WDR91: variants seen among roughly 807,000 people sequenced by gnomAD.
The protein encoded by WDR91 is WD repeat-containing protein 91.
Under a neutral mutation model 88.4 loss-of-function variants are expected in WDR91, and 52 were observed. The ratio of observed to expected loss-of-function variants is 0.59; its 90% CI spans 0.47 to 0.74. The LOEUF (loss-of-function observed/expected upper bound fraction) is 0.74. Among genes scored for constraint, WDR91 ranks in the 30% least tolerant of loss-of-function variants. WDR91 has a pLI of 0.00. For synonymous variants in WDR91, 362 were observed against 389.5 expected (o/e 0.93, Z 0.83); for missense variants, 824 against 954.5 (o/e 0.86, Z 1.80).
chr7:135,188,675 G>C lies in WDR91; in HGVS notation c.1769-130C>G. The C allele has an allele frequency of 9.1e-6, 7 of 772,124 alleles. No homozygotes were observed. The South Asian group carries it at 9.5e-5, about 10-fold the overall frequency. 47.8% of individuals were successfully genotyped at this position (772,124 alleles called of 1,614,324 possible). ...TCTGGAAGCCAAGGGCAGGCACCCA[G>C]GACCCAATGAGCGCCATAAAGCTGC... On this transcript the variant is annotated intron_variant, in intron 12 of 14. Coordinates refer to ENST00000354475, the MANE Select transcript of WDR91 (RefSeq NM_014149.4).
Position 135,200,828 on chromosome 7 carries a change from T to C in WDR91, c.892-2677A>G, listed in dbSNP as rs570399249. Among the ~76,000 whole-genome samples the C allele has an allele frequency of 4.6e-5, 7 of 152,224 alleles. No homozygotes were observed. In the South Asian group the frequency reaches 6.2e-4, roughly 14 times the overall value. On this transcript the variant is annotated intron_variant, in intron 6 of 14. Transcript: ENST00000354475. Reference sequence around the variant, plus strand: ...ACCCATTAATTTCCGGTGGAATGAGTAGGTCATGAGGGATTCCAGAGCCTC... The same window carrying C: ...ACCCATTAATTTCCGGTGGAATGAGCAGGTCATGAGGGATTCCAGAGCCTC...
rs1020562851 is a variant in WDR91, at chr7:135,196,336, C to T, written c.1052G>A (p.Cys351Tyr). 3.9e-6 allele frequency: 6 copies of T among 1,548,866 alleles called. No individual in the cohort carries two copies. The highest frequency in any genetic ancestry group is 1.4e-5 in the African/African-American group (1 of 72,392). ...ACTGGCTTCTGGTTTCTTCTCTGCA[C>T]ACTGTCACAAGCAGGGTGGGGACAA... Reference protein sequence around the residue: ...KELFSTTTSQCAEKKPEASGP... With the variant: ...KELFSTTTSQYAEKKPEASGP... The change falls in exon 8 of 15, where the codon TGT (cysteine) becomes TAT (tyrosine). Residue 351 changes from cysteine (C) to tyrosine (Y), a missense_variant and splice_region_variant. Cys to Tyr is a radical substitution (Grantham distance 194, BLOSUM62 -2). Coordinates refer to ENST00000354475, the MANE Select transcript of WDR91 (RefSeq NM_014149.4). The surrounding 1 kb of genome is among the most constrained non-coding windows in gnomAD (Gnocchi z 4.2).
chr7:135,210,329 G>A (rs1171932809), intron 1 of WDR91, among the ~76,000 whole-genome samples: 10 of 152,096 alleles, frequency 6.6e-5, no homozygotes, highest in South Asian at 4.2e-4. Flanking sequence ...CAGCCTAAGC[G>A]ACAGAGTGAG....
chr7:135,192,707 G>T (rs1362612541), intron 11 of WDR91, among the ~76,000 whole-genome samples: 1 of 152,218 alleles, frequency 6.6e-6, no homozygotes, highest in Non-Finnish European at 1.5e-5. Context: ...GCAGTGAAAC[G>T]AATCATTTTA....
intron 3 of WDR91, among the ~76,000 whole-genome samples, chr7:135,207,525 T>G (rs1562958312): frequency 6.6e-6 from 1 of 152,194 alleles, no homozygotes; most frequent in Non-Finnish European, 1.5e-5. Context: ...CCAGTGGACT[T>G]CACAGCCAGT....
At chr7:135,198,381 G>C in intron 6 of WDR91, 1 of 506,530 alleles carries the variant, frequency 2.0e-6, no homozygotes, top group Non-Finnish European at 3.5e-6. Flanking sequence ...CTCATCCTGC[G>C]GTATCTCTCA....
In WDR91 at chr7:135,193,224, C is replaced by T. The variant is rs1239809455; in HGVS notation, c.1659+7G>A. On this transcript the variant is annotated splice_region_variant and intron_variant, in intron 11 of 14. Transcript: ENST00000354475. ...GCCCCAGAGAGAGCCACAGGGCAGG[C>T]CCGTACCTGCTGCTTCATGGTTTTC... The T allele has an allele frequency of 1.9e-6, 3 of 1,613,098 alleles. No individual in the cohort carries two copies. The highest frequency in any genetic ancestry group is 4.5e-5 in the East Asian group (2 of 44,886).
At chr7:135,195,558 T>C (rs1831332544) in intron 8 of WDR91, among the ~76,000 whole-genome samples, 1 of 152,266 alleles carries the variant, frequency 6.6e-6, no homozygotes, top group Admixed American at 6.5e-5. Context: ...GGTATTTACC[T>C]AAAAGTACCA....
chr7:135,196,287 T>C lies in WDR91; in HGVS notation c.1101A>G (p.Pro367=). 1.9e-6 allele frequency: 3 copies of C among 1,606,016 alleles called. No homozygotes were observed. Among genetic ancestry groups the C allele is most frequent in the Non-Finnish European group, 1.7e-6 (2 of 1,175,956 alleles). Residue 367 remains proline, a synonymous_variant, in exon 8 of 15, where the codon CCA becomes CCG. Coordinates refer to ENST00000354475, the MANE Select transcript of WDR91 (RefSeq NM_014149.4). This position sits in a 1 kb window ranked among gnomAD's most constrained non-coding sequence, Gnocchi z 4.2. ...EASGPEAEPC[P]ELHTEPVEPL... is the part of the protein sequence containing the mutation. Reference sequence around the variant, plus strand: ...GCTCCACTGGCTCCGTGTGGAGCTCTGGGCAGGGCTCAGCCTCTGGGCCAC... The same window carrying C: ...GCTCCACTGGCTCCGTGTGGAGCTCCGGGCAGGGCTCAGCCTCTGGGCCAC...
At chr7:135,208,759 G>A (rs1831901032) in intron 3 of WDR91, 32 bp downstream of exon 3, 1 of 1,542,254 alleles carries the variant, frequency 6.5e-7, no homozygotes, top group East Asian at 2.3e-5. Context: ...GCCTCAGGCT[G>A]GGCCTTCAGC....
chr7:135,186,120 T>A lies in WDR91; in HGVS notation c.*31A>T. On this transcript the variant is annotated 3_prime_UTR_variant, in exon 15 of 15. Coordinates refer to ENST00000354475, the MANE Select transcript of WDR91 (RefSeq NM_014149.4). ...CTCCTCCCCCCACCGCAGATAATAC[T>A]GCTTCCTCGGGTGGCCCTTGGGGCA... 6.4e-7 allele frequency: 1 copy of A among 1,566,998 alleles called. No individual in the cohort carries two copies. Among genetic ancestry groups the A allele is most frequent in the Non-Finnish European group, 8.6e-7 (1 of 1,160,836 alleles).
At position 135,196,085 on chromosome 7, in the gene WDR91, C is replaced by T. The variant is rs758319640; in HGVS notation, c.1244+59G>A. 9 of 1,447,360 alleles carry T rather than the reference C, an allele frequency of 6.2e-6. No homozygotes were observed. Among genetic ancestry groups the T allele is most frequent in the South Asian group, 2.9e-5 (2 of 67,800 alleles). The allele number at this position is 1,447,360 out of a possible 1,614,324, so 89.7% of individuals were successfully genotyped here. A position where few individuals can be genotyped will look rare whatever the true frequency, so the allele number is the denominator to read the frequency against. Reference sequence around the variant, plus strand: ...CCATCTCCTGCTGGCCACACCTCCACGTGTACTGCCTGAAAATCTGAGCTT... The same window carrying T: ...CCATCTCCTGCTGGCCACACCTCCATGTGTACTGCCTGAAAATCTGAGCTT... On this transcript the variant is annotated intron_variant, in intron 8 of 14. Coordinates refer to ENST00000354475, the MANE Select transcript of WDR91 (RefSeq NM_014149.4). This position sits in a 1 kb window ranked among gnomAD's most constrained non-coding sequence, Gnocchi z 4.2.
chr7:135,188,179 G>A (rs1831023740), intron 13 of WDR91, among the ~76,000 whole-genome samples: 1 of 152,090 alleles, frequency 6.6e-6, no homozygotes, highest in Non-Finnish European at 1.5e-5. Flanking sequence ...CCTAAATCCA[G>A]ACCCCACAGA....
At position 135,205,841 on chromosome 7, in the gene WDR91, G is replaced by A; in HGVS notation, c.725+87C>T. The A allele has an allele frequency of 1.9e-6, 3 of 1,583,520 alleles. No homozygotes were observed. In the Admixed American group the frequency reaches 5.1e-5, roughly 27 times the overall value. ...CAATTCTCCTTCAGCAGGCACAGAG[G>A]ACTGCAGGCAAGGCAAGATCAGAGG... On this transcript the variant is annotated intron_variant, in intron 5 of 14. Transcript: ENST00000354475.
intron 6 of WDR91, chr7:135,199,791 G>A (rs1831504685): frequency 6.6e-6 from 1 of 151,158 alleles, no homozygotes; most frequent in African/African-American, 2.4e-5. Flanking sequence ...ACTGGATAAT[G>A]GTGTCTTTTC....
chr7:135,190,319 G>T (rs181796175), intron 11 of WDR91, among the ~76,000 whole-genome samples: 1 of 152,018 alleles, frequency 6.6e-6, no homozygotes, highest in Admixed American at 6.6e-5. Context: ...TCACAGAAAG[G>T]GATAACAAGA....
chr7:135,188,539 T>G lies in WDR91; in HGVS notation c.1775A>C (p.Gln592Pro). The G allele has an allele frequency of 1.2e-6, 2 of 1,613,176 alleles. No homozygotes were observed. The highest frequency in any genetic ancestry group is 1.7e-6 in the Non-Finnish European group (2 of 1,179,746). The change falls in exon 13 of 15, where the codon CAG becomes CCG. Residue 592 changes from glutamine (Q) to proline (P), a missense_variant. Coordinates refer to ENST00000354475, the MANE Select transcript of WDR91 (RefSeq NM_014149.4). ...CCAGCTCATCGCGCACTCATGCTGC[T>G]GCATGTCTGAGGCAATGAGACACGG... is the stretch of plus-strand genomic sequence containing the variant. ...ADGVIRLFDM[Q>P]QHECAMSWRA...
chr7:135,196,030 T>C lies in WDR91; in HGVS notation c.1244+114A>G. 3 of 1,059,280 alleles carry C rather than the reference T, an allele frequency of 2.8e-6. No individual in the cohort carries two copies. Among genetic ancestry groups the C allele is most frequent in the South Asian group, 1.9e-5 (1 of 52,400 alleles). The allele number at this position is 1,059,280 out of a possible 1,614,324, so 65.6% of individuals were successfully genotyped here. ...ACTCCCATGACTCTACTGCCATGAC[T>C]GTGGCCCTCGTCCAAGCCCCCATTC... is the stretch of plus-strand genomic sequence containing the variant. On this transcript the variant is annotated intron_variant, in intron 8 of 14. Transcript: ENST00000354475. The surrounding 1 kb of genome is among the most constrained non-coding windows in gnomAD (Gnocchi z 4.2).
rs745435354 is a variant in WDR91, at chr7:135,209,782, T to A, written c.124-27A>T. 8 of 1,545,556 alleles carry A rather than the reference T, an allele frequency of 5.2e-6. No individual in the cohort carries two copies. The African/African-American group carries it at 9.6e-5, about 19-fold the overall frequency. On this transcript the variant is annotated intron_variant, in intron 1 of 14. Coordinates refer to ENST00000354475, the MANE Select transcript of WDR91 (RefSeq NM_014149.4). ...TGGCGAGAAACATGGATGGAGAAGGTGGTAAGGGACAGAAGGGAATTCTCC... is the reference window on the plus strand; with the variant it reads ...TGGCGAGAAACATGGATGGAGAAGGAGGTAAGGGACAGAAGGGAATTCTCC...
Sources: allele counts gnomAD v4.1 joint callset (sites outside exome capture counted in the v4.1 genomes callset), GRCh38; gene constraint gnomAD v4.1.1; non-coding constraint Gnocchi (gnomAD v3.1); transcripts MANE v1.5; gene names NCBI Gene and HGNC (gene_info 2026-07-23, HGNC 2026-07-21).